Variants in PIGL observed in about 807,000 individuals in gnomAD.
PIGL encodes the protein N-acetylglucosaminyl-phosphatidylinositol de-N-acetylase.
Under a neutral mutation model 31.1 loss-of-function variants are expected in PIGL, and 22 were observed. The ratio of observed to expected loss-of-function variants is 0.71; its 90% confidence interval spans 0.51 to 1.01. The LOEUF (loss-of-function observed/expected upper bound fraction) is 1.01, where lower values mean the gene tolerates loss of function less well. Among genes scored for constraint, PIGL ranks in the 50% least tolerant of loss-of-function variants. The probability of loss-of-function intolerance (pLI) is 0.00; values close to 1 mark genes in which losing one functional copy is unlikely to be tolerated. For missense variants in PIGL, 302 were observed against 315.9 expected (o/e 0.96, Z 0.33); for synonymous variants, 131 against 117.4 (o/e 1.12, Z -0.75).
chr17:16,302,553 C>T (rs2093009196), intron 3 of PIGL, among the ~76,000 whole-genome samples: 1 of 152,140 alleles, frequency 6.6e-6, no homozygotes. Context: ...ACGAGAACTA[C>T]TGGTCTTCCA....
At chr17:16,258,143 G>GAAAGAGAGAA (rs2092804422) in intron 2 of PIGL, among the ~76,000 whole-genome samples, 1 of 60,824 alleles carries the variant, frequency 1.6e-5, no homozygotes, top group African/African-American at 4.1e-5. Flanking sequence ...GAGAGAAAGA[G>GAAAGAGAGAA]AGAGAGAGAG....
At chr17:16,316,632 A>G in intron 4 of PIGL, 49 bp from the exon 5 acceptor site, 1 of 1,547,646 alleles carries the variant, frequency 6.5e-7, no homozygotes, top group Non-Finnish European at 8.8e-7. Flanking sequence ...TGTTACCTAC[A>G]AAGGAAATGA....
At chr17:16,278,058 C>CT (rs57845853) in intron 2 of PIGL, among the ~76,000 whole-genome samples, 285 of 141,152 alleles carry the variant, frequency 2.0e-3, no homozygotes, top group Middle Eastern at 7.3e-3. Flanking sequence ...AAACTCAATT[C>CT]TTTTTTTTTT....
intron 2 of PIGL, among the ~76,000 whole-genome samples, chr17:16,281,379 A>T (rs1032310752): frequency 1.7e-4 from 26 of 152,236 alleles, no homozygotes; most frequent in African/African-American, 5.8e-4. Flanking sequence ...AAGAATATCA[A>T]CGGCTTTTAT....
Position 16,217,305 on chromosome 17 carries a change from C to T in PIGL, c.79C>T (p.Arg27Ter), listed in dbSNP as rs751475124. 1.2e-6 allele frequency: 2 copies of T among 1,614,144 alleles called. No homozygotes were observed. The highest frequency in any genetic ancestry group is 2.2e-5 in the East Asian group (1 of 44,886). ...CCTCTGGGTTTGGGACTCCTCAGAA[C>T]GAATGAAGAGTCGGGAGCAGGGAGG... ...GFLWVWDSSE[R>*]MKSREQGGRL... The change falls in exon 1 of 7, where the codon CGA becomes TGA. Residue 27 changes from arginine to a stop codon, truncating the protein, a stop_gained. Transcript: ENST00000225609. LOFTEE classifies it high-confidence loss of function.
chr17:16,258,139 AAGAGAG>A (rs143387730), intron 2 of PIGL, among the ~76,000 whole-genome samples: 3 of 99,362 alleles, frequency 3.0e-5, no homozygotes, highest in Admixed American at 1.1e-4. Context: ...GAGAGAGAGA[AAGAGAG>A]AGAGAGAGAG....
At chr17:16,228,658 G>A (rs947877759) in intron 1 of PIGL, among the ~76,000 whole-genome samples, 2 of 152,100 alleles carry the variant, frequency 1.3e-5, no homozygotes, top group Non-Finnish European at 2.9e-5. Context: ...AAAGTGATGG[G>A]ATTACAGGCG....
Position 16,273,966 on chromosome 17 carries a change from C to G in PIGL, c.336-25922C>G, listed in dbSNP as rs1600809408. Among the ~76,000 whole-genome samples the G allele has an allele frequency of 2.0e-5, 3 of 152,280 alleles. No homozygotes were observed. The East Asian group carries it at 5.8e-4, about 29-fold the overall frequency. On this transcript the variant is annotated intron_variant, in intron 2 of 6. Coordinates refer to ENST00000225609, the MANE Select transcript of PIGL (RefSeq NM_004278.4). ...GGGTGAGGTCTCCAGGTTCTCCTGG[C>G]TAGTGAAGAGGCTCATGTTCTCATT...
Position 16,217,246 on chromosome 17 carries a change from T to C in PIGL, c.20T>C (p.Leu7Pro), listed in dbSNP as rs774734019. The C allele has an allele frequency of 3.7e-6, 6 of 1,614,120 alleles. No individual in the cohort carries two copies. Among genetic ancestry groups the C allele is most frequent in the African/African-American group, 1.3e-5 (1 of 75,030 alleles). Residue 7 changes from leucine to proline, a missense_variant, in exon 1 of 7, where the codon CTG becomes CCG. Physicochemically the swap from Leu to Pro is moderately conservative, Grantham distance 98 (BLOSUM62 -3). Transcript: ENST00000225609. The part of the protein sequence containing the change: MEAMWL[L>P]CVALAVLAWG... ...CCCATCATGGAAGCAATGTGGCTCC[T>C]GTGTGTGGCGTTGGCGGTCTTGGCA... is the stretch of plus-strand genomic sequence containing the variant.
chr17:16,223,649 G>A (rs1000902199), intron 1 of PIGL, among the ~76,000 whole-genome samples: 2 of 151,688 alleles, frequency 1.3e-5, no homozygotes, highest in South Asian at 4.2e-4. Context: ...GGAGGCCAAA[G>A]TGGGAGGATT....
chr17:16,228,637 C>G (rs1343965022), intron 1 of PIGL, among the ~76,000 whole-genome samples: 1 of 152,150 alleles, frequency 6.6e-6, no homozygotes, highest in African/African-American at 2.4e-5. Flanking sequence ...ATCCGCCCGC[C>G]TTGGCCTCCC....
intron 2 of PIGL, among the ~76,000 whole-genome samples, chr17:16,250,576 T>G (rs1432890945): frequency 6.6e-6 from 1 of 152,146 alleles, no homozygotes; most frequent in Non-Finnish European, 1.5e-5. Context: ...AAAGCAGAGC[T>G]TTGGAATCTT....
chr17:16,307,870 G>A (rs1415968562), intron 3 of PIGL, among the ~76,000 whole-genome samples: 1 of 151,134 alleles, frequency 6.6e-6, no homozygotes, highest in Non-Finnish European at 1.5e-5. Context: ...ACTTGGGAGA[G>A]GAAGACAGGA....
intron 2 of PIGL, among the ~76,000 whole-genome samples, chr17:16,276,553 C>T (rs747213733): frequency 4.6e-5 from 7 of 152,008 alleles, no homozygotes; most frequent in Non-Finnish European, 7.4e-5. Context: ...GCCAACATGG[C>T]GAAACTCTGT....
intron 3 of PIGL, among the ~76,000 whole-genome samples, chr17:16,308,263 A>G (rs1194887001): frequency 6.6e-6 from 1 of 151,584 alleles, no homozygotes; most frequent in Non-Finnish European, 1.5e-5. Flanking sequence ...ACCCGGGAGG[A>G]GGAGGTTGCG....
rs142202100 is a variant in PIGL at position 16,264,918 on chromosome 17, C to T, written c.335+30848C>T. 7.7e-4 allele frequency among the ~76,000 whole-genome samples: 117 copies of T among 152,270 alleles called. 2 individuals carry two copies. The highest frequency in any genetic ancestry group is 2.6e-3 in the African/African-American group (109 of 41,556). On this transcript the variant is annotated intron_variant, in intron 2 of 6. Transcript: ENST00000225609. ...CTGGGATTACAGGCGTGAGCCACCG[C>T]GCCTGGCTACTTTCCATATTATTGA...
intron 2 of PIGL, among the ~76,000 whole-genome samples, chr17:16,238,319 G>A (rs1194603713): frequency 1.3e-5 from 2 of 151,420 alleles, no homozygotes; most frequent in African/African-American, 4.9e-5. Flanking sequence ...TGATTATGAT[G>A]CCTGCAATTT....
At chr17:16,258,103 A>AAGAG (rs1229169258) in intron 2 of PIGL, among the ~76,000 whole-genome samples, 116 of 65,706 alleles carry the variant, frequency 1.8e-3, no homozygotes, top group African/African-American at 4.2e-3. Context: ...GAGAGAGAGA[A>AAGAG]AGAGAGAGAG....
chr17:16,273,470 A>C (rs554379233), intron 2 of PIGL, among the ~76,000 whole-genome samples: 1 of 152,320 alleles, frequency 6.6e-6, no homozygotes, highest in Admixed American at 6.5e-5. Flanking sequence ...ATGGGCAATA[A>C]ATTGATCTGA....
Sources: gnomAD v4.1 joint callset for allele counts (sites outside exome capture counted in the v4.1 genomes callset) on GRCh38, gnomAD v4.1.1 for gene constraint, MANE v1.5 for transcripts, NCBI Gene and HGNC (gene_info 2026-07-23, HGNC 2026-07-21) for gene names.